The following SLC4A7 variants were observed in gnomAD, a reference collection of about 807,000 sequenced individuals.
SLC4A7 encodes the protein sodium bicarbonate cotransporter 3.
Under a neutral mutation model 137.6 loss-of-function variants are expected in SLC4A7, and 51 were observed. The ratio of observed to expected loss-of-function variants is 0.37; its 90% CI spans 0.30 to 0.47. The LOEUF (loss-of-function observed/expected upper bound fraction) is 0.47. Among genes scored for constraint, SLC4A7 ranks in the 20% least tolerant of loss-of-function variants. The pLI is 1.00. For synonymous variants in SLC4A7, 542 were observed against 518.6 expected, an observed-to-expected ratio of 1.05 and a Z score of -0.61; for missense variants, 1,247 against 1,525.4, an observed-to-expected ratio of 0.82 and a Z score of 3.04.
chr3:27,461,606 CAAAA>C (rs200548018), intron 1 of SLC4A7, among the ~76,000 whole-genome samples: 1 of 86,794 alleles, frequency 1.2e-5, no homozygotes. Context: ...ACCTCGTTTA[CAAAA>C]AAAAAAAAAA....
chr3:27,391,244 T>C (rs2051523581), intron 21 of SLC4A7, among the ~76,000 whole-genome samples: 1 of 152,224 alleles, frequency 6.6e-6, no homozygotes, highest in South Asian at 2.1e-4. Flanking sequence ...TAATCTTCAA[T>C]AAGTCCTTCT....
Position 27,448,902 on chromosome 3 carries a change from T to C in SLC4A7, c.143-105A>G, listed in dbSNP as rs1026165641. On this transcript the variant is annotated intron_variant, in intron 2 of 25. Coordinates refer to ENST00000454389, the MANE Select transcript of SLC4A7 (RefSeq NM_001321103.2). ...CTCTGATAAAGAATATAAGTTCACG[T>C]AATTAACAATGGTAGTCTCCAGTTA... 5 of 703,950 alleles carry C rather than the reference T, an allele frequency of 7.1e-6. No individual in the cohort carries two copies. In the African/African-American group the frequency reaches 9.1e-5, roughly 13 times the overall value. The allele number at this position is 703,950 out of a possible 1,614,324, so 43.6% of individuals were successfully genotyped here. A position where few individuals can be genotyped will look rare whatever the true frequency, so the allele number is the denominator to read the frequency against.
In SLC4A7 at chr3:27,404,150, C is replaced by T. The variant is rs556712089; in HGVS notation, c.2075+680G>A. 7.9e-5 allele frequency among the ~76,000 whole-genome samples: 12 copies of T among 152,332 alleles called. No individual in the cohort carries two copies. In the East Asian group the frequency reaches 1.9e-3, roughly 24 times the overall value. On this transcript the variant is annotated intron_variant, in intron 14 of 25. Transcript: ENST00000454389. ...CTTGGGGAGGCCGAGGCAGGTGGAA[C>T]ACTTGAGGTCAGTTCGAGACCAGCC...
chr3:27,435,850 C>A (rs568314330), intron 5 of SLC4A7, among the ~76,000 whole-genome samples: 6 of 151,948 alleles, frequency 3.9e-5, no homozygotes, highest in South Asian at 2.1e-4. Flanking sequence ...GTGATCCCCC[C>A]CTTAAAAAAA....
Position 27,411,750 on chromosome 3 carries a change from T to C in SLC4A7, c.1660-2A>G. On this transcript the variant is annotated splice_acceptor_variant, in intron 11 of 25. Coordinates refer to ENST00000454389, the MANE Select transcript of SLC4A7 (RefSeq NM_001321103.2). LOFTEE classifies it high-confidence loss of function. ...AAACACAGGAATCTTTCTCTTTTCCTGAATTTCACAAAAAACATTATTTTC... is the reference window on the plus strand; with the variant it reads ...AAACACAGGAATCTTTCTCTTTTCCCGAATTTCACAAAAAACATTATTTTC... The C allele has an allele frequency of 1.3e-6, 2 of 1,484,100 alleles. No homozygotes were observed. The highest frequency in any genetic ancestry group is 1.8e-6 in the Non-Finnish European group (2 of 1,103,098). The allele number at this position is 1,484,100 out of a possible 1,614,324, so 91.9% of individuals were successfully genotyped here.
chr3:27,438,706 CAT>C (rs2056956905), intron 3 of SLC4A7, among the ~76,000 whole-genome samples: 1 of 150,670 alleles, frequency 6.6e-6, no homozygotes, highest in Non-Finnish European at 1.5e-5. Context: ...AATAACATAA[CAT>C]AAAATAAAAT....
At position 27,388,610 on chromosome 3, in the gene SLC4A7, A is replaced by G. The variant is rs2051214320; in HGVS notation, c.3360+1321T>C. On this transcript the variant is annotated intron_variant, in intron 22 of 25. Transcript: ENST00000454389. ...AAATAATCCATTTGTTCCAGGTCAG[A>G]GGTCAGCAAACCATAGCACCTGAGT... 2.0e-5 allele frequency among the ~76,000 whole-genome samples: 3 copies of G among 152,152 alleles called. No individual in the cohort carries two copies. The South Asian group carries it at 6.2e-4, about 32-fold the overall frequency.
In SLC4A7 at chr3:27,403,395, A is replaced by G. The variant is rs1362848679; in HGVS notation, c.2076-11T>C. The G allele has an allele frequency of 6.4e-7, 1 of 1,552,928 alleles. No homozygotes were observed. Among genetic ancestry groups the G allele is most frequent in the South Asian group, 1.2e-5 (1 of 84,584 alleles). The stretch of plus-strand genomic sequence containing the variant: ...GAAAGTTGATAATCTCTGTTTAGAA[A>G]GAAAAATATGAATATGATAAACATA... On this transcript the variant is annotated splice_polypyrimidine_tract_variant and intron_variant, in intron 14 of 25. Transcript: ENST00000454389.
chr3:27,394,156 C>A (rs919193397), intron 20 of SLC4A7, among the ~76,000 whole-genome samples: 1 of 149,208 alleles, frequency 6.7e-6, no homozygotes, highest in African/African-American at 2.5e-5. Context: ...GCAGCTGGCA[C>A]CACGGGAGCA....
chr3:27,419,373 A>G (rs990168570), intron 10 of SLC4A7, among the ~76,000 whole-genome samples: 3 of 151,388 alleles, frequency 2.0e-5, no homozygotes, highest in African/African-American at 7.3e-5. Flanking sequence ...GTTTGAGACC[A>G]GCCTTGCCAA....
At chr3:27,411,371 T>A (rs1190888639) in intron 12 of SLC4A7, among the ~76,000 whole-genome samples, 1 of 152,030 alleles carries the variant, frequency 6.6e-6, no homozygotes, top group Admixed American at 6.6e-5. Context: ...GTATAAGCAA[T>A]GGAAATTAAC....
intron 13 of SLC4A7, among the ~76,000 whole-genome samples, chr3:27,405,952 G>T (rs2150177264): frequency 6.6e-6 from 1 of 152,206 alleles, no homozygotes; most frequent in Non-Finnish European, 1.5e-5. Context: ...ACTAGAAAAA[G>T]GGGGAAAGAA....
intron 6 of SLC4A7, 49 bp from the exon 7 acceptor site, chr3:27,431,718 C>T: frequency 6.9e-7 from 1 of 1,459,090 alleles, no homozygotes. Context: ...CTGCAGAAGG[C>T]AAATAGAGAC....
intron 3 of SLC4A7, among the ~76,000 whole-genome samples, chr3:27,441,271 T>C (rs923630941): frequency 4.6e-5 from 7 of 152,222 alleles, no homozygotes; most frequent in African/African-American, 1.7e-4. Context: ...TTGTCCGTAG[T>C]TGTATTTTTC....
chr3:27,409,826 C>T (rs1040356644), intron 12 of SLC4A7, among the ~76,000 whole-genome samples: 10 of 152,024 alleles, frequency 6.6e-5, no homozygotes, highest in Non-Finnish European at 1.0e-4. Context: ...ATGTGCAAGG[C>T]AAGGTATAAC....
chr3:27,437,312 T>A, intron 4 of SLC4A7, 76 bp downstream of exon 4: 1 of 937,142 alleles, frequency 1.1e-6, no homozygotes, highest in Non-Finnish European at 1.5e-6. Flanking sequence ...GATCGCACCA[T>A]CGCACTCCAG....
At chr3:27,471,664 G>A (rs1296968901) in intron 1 of SLC4A7, among the ~76,000 whole-genome samples, 3 of 152,152 alleles carry the variant, frequency 2.0e-5, no homozygotes, top group South Asian at 2.1e-4. Flanking sequence ...GAGCCACCGC[G>A]CCCAGCTTCC....
intron 1 of SLC4A7, among the ~76,000 whole-genome samples, chr3:27,482,274 G>A (rs2059744273): frequency 6.6e-6 from 1 of 152,132 alleles, no homozygotes. Context: ...AACTTGGAGG[G>A]CAATGGCCTT....
intron 15 of SLC4A7, 157 bp from the exon 16 acceptor site, chr3:27,401,026 A>G: frequency 2.1e-6 from 1 of 484,774 alleles, no homozygotes; most frequent in Non-Finnish European, 3.6e-6. Flanking sequence ...AAACAACAGA[A>G]TGGAATAAAG....
Sources: gnomAD v4.1 joint callset for allele counts (sites outside exome capture counted in the v4.1 genomes callset) on GRCh38, gnomAD v4.1.1 for gene constraint, MANE v1.5 for transcripts, NCBI Gene and HGNC (gene_info 2026-07-23, HGNC 2026-07-21) for gene names.